Variants in GABBR2 observed in about 807,000 individuals in gnomAD.
GABBR2 encodes the protein gamma-aminobutyric acid type B receptor subunit 2.
In GABBR2, 23 loss-of-function variants were observed where a neutral mutation model predicts 105.6. That is an observed-to-expected ratio of 0.22 (90% CI 0.16 to 0.31). GABBR2 has a LOEUF of 0.31. Among genes scored for constraint, GABBR2 ranks in the 10% least tolerant of loss-of-function variants. GABBR2 has a pLI of 1.00. For missense variants in GABBR2, 734 were observed against 1,245.5 expected, an observed-to-expected ratio of 0.59 and a Z score of 6.18; for synonymous variants, 478 against 499.7, an observed-to-expected ratio of 0.96 and a Z score of 0.58.
intron 1 of GABBR2, among the ~76,000 whole-genome samples, chr9:98,659,198 A>T (rs1047383049): frequency 1.3e-5 from 2 of 152,096 alleles, no homozygotes; most frequent in African/African-American, 4.8e-5. Context: ...ATCATGCAAG[A>T]CCTTTTGCAT....
rs1314758050 is a variant in GABBR2 at position 98,406,054 on chromosome 9, A to G, written c.1297+27T>C. On this transcript the variant is annotated intron_variant, in intron 8 of 18. Coordinates refer to ENST00000259455, the MANE Select transcript of GABBR2 (RefSeq NM_005458.8). ...TTCCTGAATCTAAATTTTATCAGCT[A>G]GAAAGAATAAGCATCAAAATGCCTA... 2.4e-6 allele frequency: 3 copies of G among 1,248,686 alleles called. No individual in the cohort carries two copies. The South Asian group carries it at 3.7e-5, about 15-fold the overall frequency. The allele number at this position is 1,248,686 out of a possible 1,614,324, so 77.4% of individuals were successfully genotyped here. A position where few individuals can be genotyped will look rare whatever the true frequency, so the allele number is the denominator to read the frequency against.
At chr9:98,435,442 C>G (rs932986948) in intron 7 of GABBR2, among the ~76,000 whole-genome samples, 3 of 152,164 alleles carry the variant, frequency 2.0e-5, no homozygotes, top group African/African-American at 7.2e-5. Context: ...TGAAGTGTGC[C>G]TTGAATCCAT....
At chr9:98,563,792 T>G (rs892437670) in intron 2 of GABBR2, among the ~76,000 whole-genome samples, 3 of 152,206 alleles carry the variant, frequency 2.0e-5, no homozygotes, top group Non-Finnish European at 2.9e-5. Flanking sequence ...GCTCAATCTC[T>G]TCATCATGGA....
intron 2 of GABBR2, among the ~76,000 whole-genome samples, chr9:98,566,305 A>T (rs190378878): frequency 4.8e-4 from 73 of 152,284 alleles, no homozygotes; most frequent in East Asian, 4.4e-3. Flanking sequence ...ACTGCCATAA[A>T]AAAAGCCCAT....
At chr9:98,506,736 A>G (rs528770354) in intron 3 of GABBR2, among the ~76,000 whole-genome samples, 1 of 152,240 alleles carries the variant, frequency 6.6e-6, no homozygotes, top group South Asian at 2.1e-4. Context: ...AGTGTCAGGC[A>G]CCTGTGACCT....
At position 98,395,919 on chromosome 9, in the gene GABBR2, G is replaced by C. The variant is rs552076609; in HGVS notation, c.1298-1664C>G. ...AGCCTCTATAGTGTGCTGGATCAGT[G>C]CTATTTTATGTACATTTTCTTGCCT... is the stretch of plus-strand genomic sequence containing the variant. On this transcript the variant is annotated intron_variant, in intron 8 of 18. Transcript: ENST00000259455. 5.3e-5 allele frequency among the ~76,000 whole-genome samples: 8 copies of C among 152,256 alleles called. No individual in the cohort carries two copies. In the East Asian group the frequency reaches 1.2e-3, roughly 22 times the overall value.
intron 1 of GABBR2, among the ~76,000 whole-genome samples, chr9:98,615,371 T>C (rs529478595): frequency 5.5e-4 from 84 of 152,240 alleles, no homozygotes; most frequent in Non-Finnish European, 1.1e-3. Context: ...TGAAAAGGCA[T>C]CAGCTGTTCC....
Position 98,290,582 on chromosome 9 carries a change from C to T in GABBR2, c.*2G>A, listed in dbSNP as rs759983229. 6 of 1,376,004 alleles carry T rather than the reference C, an allele frequency of 4.4e-6. No individual in the cohort carries two copies. The highest frequency in any genetic ancestry group is 3.3e-5 in the Admixed American group (1 of 30,668). The allele number at this position is 1,376,004 out of a possible 1,614,324, so 85.2% of individuals were successfully genotyped here. On this transcript the variant is annotated 3_prime_UTR_variant, in exon 19 of 19. Coordinates refer to ENST00000259455, the MANE Select transcript of GABBR2 (RefSeq NM_005458.8). The stretch of plus-strand genomic sequence containing the variant: ...GAGGCCCCGGGCCCAGGCCTCCCAC[C>T]CTTACAGGCCCGAGACCATGACTCG...
chr9:98,518,151 C>T (rs1827795552), intron 3 of GABBR2, among the ~76,000 whole-genome samples: 1 of 152,178 alleles, frequency 6.6e-6, no homozygotes, highest in Non-Finnish European at 1.5e-5. Context: ...AGCTCTGCCC[C>T]TCCCCTTGTC....
chr9:98,614,231 A>C lies in GABBR2; in HGVS notation c.322-36159T>G, dbSNP rs556317183. On this transcript the variant is annotated intron_variant, in intron 1 of 18. Coordinates refer to ENST00000259455, the MANE Select transcript of GABBR2 (RefSeq NM_005458.8). ...TAAACCAATTAAAACCACCTATTAA[A>C]AGATAAACTAGGCTGGGCGCGGTGG... Among the ~76,000 whole-genome samples the C allele has an allele frequency of 2.0e-5, 3 of 152,274 alleles. No homozygotes were observed. The South Asian group carries it at 6.2e-4, about 32-fold the overall frequency.
chr9:98,464,683 G>C (rs1047806496), intron 6 of GABBR2, among the ~76,000 whole-genome samples: 18 of 152,078 alleles, frequency 1.2e-4, no homozygotes, highest in Non-Finnish European at 2.5e-4. Context: ...AGAAAAGGGG[G>C]AAATGTGGGG....
chr9:98,488,318 G>T (rs1013435167), intron 4 of GABBR2, among the ~76,000 whole-genome samples: 3 of 152,114 alleles, frequency 2.0e-5, no homozygotes, highest in African/African-American at 7.2e-5. Context: ...TCTCTGCTGG[G>T]GTTCTAGGAC....
intron 11 of GABBR2, among the ~76,000 whole-genome samples, chr9:98,373,851 CTTTT>C (rs577915397): frequency 1.1e-3 from 98 of 86,676 alleles, no homozygotes; most frequent in Non-Finnish European, 1.7e-3. Flanking sequence ...CAAAGCATTC[CTTTT>C]TTTTTTTTTT....
chr9:98,602,613 G>A (rs1374543860), intron 1 of GABBR2, among the ~76,000 whole-genome samples: 3 of 151,942 alleles, frequency 2.0e-5, no homozygotes, highest in East Asian at 1.9e-4. Flanking sequence ...TTTTAATATC[G>A]CTCAGGAAGC....
chr9:98,543,261 A>G (rs1025205924), intron 2 of GABBR2, among the ~76,000 whole-genome samples: 3 of 152,096 alleles, frequency 2.0e-5, no homozygotes, highest in Non-Finnish European at 2.9e-5. Context: ...TCTTTGCAGT[A>G]TGATGGTGAA....
At chr9:98,477,393 C>A (rs1454185601) in intron 5 of GABBR2, among the ~76,000 whole-genome samples, 1 of 152,160 alleles carries the variant, frequency 6.6e-6, no homozygotes, top group African/African-American at 2.4e-5. Flanking sequence ...GCAGATGATA[C>A]CACGCCCAGC....
intron 1 of GABBR2, among the ~76,000 whole-genome samples, chr9:98,694,108 G>A (rs1043714753): frequency 2.6e-5 from 4 of 152,226 alleles, no homozygotes; most frequent in East Asian, 1.9e-4. Flanking sequence ...AAATGAAAAC[G>A]CCCAGCACAC....
intron 9 of GABBR2, among the ~76,000 whole-genome samples, chr9:98,390,099 G>A (rs1255800028): frequency 6.6e-6 from 1 of 152,180 alleles, no homozygotes; most frequent in African/African-American, 2.4e-5. Context: ...CTTTGGCTGA[G>A]CGTGGTGGCT....
At chr9:98,584,165 C>T (rs1829038998) in intron 1 of GABBR2, among the ~76,000 whole-genome samples, 1 of 152,060 alleles carries the variant, frequency 6.6e-6, no homozygotes, top group Admixed American at 6.5e-5. Flanking sequence ...ACCCCACTCA[C>T]TTCTAGAGGA....
Sources: gnomAD v4.1 joint callset for allele counts (sites outside exome capture counted in the v4.1 genomes callset) on GRCh38, gnomAD v4.1.1 for gene constraint, MANE v1.5 for transcripts, NCBI Gene and HGNC (gene_info 2026-07-23, HGNC 2026-07-21) for gene names.